Variants in PXDNL observed in about 807,000 individuals in gnomAD.
PXDNL encodes the protein peroxidasin like.
PXDNL carries 145 observed loss-of-function variants against 150.8 expected under a neutral mutation model. That is an observed-to-expected ratio of 0.96 (90% CI 0.84 to 1.10). The LOEUF (loss-of-function observed/expected upper bound fraction) is 1.10. PXDNL is among the 50% of genes least tolerant of loss of function. The pLI is 0.00. For missense variants in PXDNL, 2,087 were observed against 1,873.9 expected (o/e 1.11, Z -2.10); for synonymous variants, 757 against 725.7 (o/e 1.04, Z -0.69).
intron 2 of PXDNL, among the ~76,000 whole-genome samples, chr8:51,598,670 A>G (rs569749821): frequency 1.3e-5 from 2 of 151,984 alleles, no homozygotes; most frequent in African/African-American, 2.4e-5. Context: ...TTTTATATCT[A>G]TGTTCATCAG....
At chr8:51,440,755 GA>G (rs1467806200) in intron 12 of PXDNL, among the ~76,000 whole-genome samples, 3 of 152,240 alleles carry the variant, frequency 2.0e-5, no homozygotes, top group Admixed American at 6.5e-5. Context: ...GGAAGGGCCT[GA>G]AAACACAGCA....
At chr8:51,563,702 A>G (rs972169211) in intron 3 of PXDNL, among the ~76,000 whole-genome samples, 4 of 151,920 alleles carry the variant, frequency 2.6e-5, no homozygotes, top group Non-Finnish European at 5.9e-5. Context: ...TTTTTGCACT[A>G]CTCAATACAT....
At position 51,644,452 on chromosome 8, in the gene PXDNL, GTTGTTT is replaced by G. The variant is rs1210986479; in HGVS notation, c.236+10231_236+10236del. ...CATATGTGTGTGTATATATATATGGGTTGTTTTTGTTTTTGTTTTTGTTTTGAGACG... is the reference window on the plus strand; with the variant it reads ...CATATGTGTGTGTATATATATATGGGTTGTTTTTGTTTTTGTTTTGAGACG... On this transcript the variant is annotated intron_variant, in intron 2 of 22. Transcript: ENST00000356297. Among the ~76,000 whole-genome samples the G allele has an allele frequency of 1.5e-3, 155 of 100,524 alleles. 3 individuals are homozygous for G. Among genetic ancestry groups the G allele is most frequent in the African/African-American group, 4.9e-3 (135 of 27,634 alleles). 65.9% of individuals were successfully genotyped at this position (100,524 alleles called of 152,430 possible).
At chr8:51,579,221 A>G (rs1813154074) in intron 3 of PXDNL, among the ~76,000 whole-genome samples, 1 of 152,042 alleles carries the variant, frequency 6.6e-6, no homozygotes, top group African/African-American at 2.4e-5. Flanking sequence ...ATAAAGGACT[A>G]ATCTCCAGAA....
At chr8:51,400,553 TA>T (rs1466603846) in intron 17 of PXDNL, among the ~76,000 whole-genome samples, 1 of 152,206 alleles carries the variant, frequency 6.6e-6, no homozygotes, top group African/African-American at 2.4e-5. Context: ...GCTAGACAAA[TA>T]GAGCTGCACG....
At chr8:51,323,709 T>C (rs1805393326) in intron 21 of PXDNL, among the ~76,000 whole-genome samples, 1 of 151,826 alleles carries the variant, frequency 6.6e-6, no homozygotes, top group African/African-American at 2.4e-5. Context: ...AGGTCAGAAG[T>C]TCAAGACCAG....
intron 5 of PXDNL, among the ~76,000 whole-genome samples, chr8:51,489,084 G>A (rs942438408): frequency 5.9e-5 from 9 of 152,038 alleles, no homozygotes; most frequent in Non-Finnish European, 1.2e-4. Context: ...TCAAAATGAC[G>A]AAATAACAGA....
At chr8:51,727,149 CAAGTATTT>C (rs1435003569) in intron 1 of PXDNL, among the ~76,000 whole-genome samples, 2 of 152,174 alleles carry the variant, frequency 1.3e-5, no homozygotes, top group Non-Finnish European at 2.9e-5. Context: ...TGCTACAAAA[CAAGTATTT>C]ATAATAAGTG....
At chr8:51,597,649 A>AC (rs1286260178) in intron 2 of PXDNL, among the ~76,000 whole-genome samples, 19 of 140,588 alleles carry the variant, frequency 1.4e-4, no homozygotes, top group African/African-American at 4.2e-4. Context: ...ATCTCTAAGT[A>AC]TTTGTGTGTG....
intron 2 of PXDNL, among the ~76,000 whole-genome samples, chr8:51,611,491 C>A (rs1454832302): frequency 6.6e-6 from 1 of 152,082 alleles, no homozygotes; most frequent in Non-Finnish European, 1.5e-5. Context: ...GTGTAATTGA[C>A]TGTTTTCAAA....
At chr8:51,619,581 T>C (rs1814196464) in intron 2 of PXDNL, among the ~76,000 whole-genome samples, 1 of 151,808 alleles carries the variant, frequency 6.6e-6, no homozygotes, top group African/African-American at 2.4e-5. Context: ...TGAGAGCTCA[T>C]GAGATCCAGT....
intron 1 of PXDNL, among the ~76,000 whole-genome samples, chr8:51,719,703 T>G (rs1816690848): frequency 6.6e-6 from 1 of 152,142 alleles, no homozygotes; most frequent in African/African-American, 2.4e-5. Context: ...AACATGATTT[T>G]TTTAAAAAAA....
At chr8:51,542,566 T>A (rs183553485) in intron 4 of PXDNL, among the ~76,000 whole-genome samples, 2 of 151,474 alleles carry the variant, frequency 1.3e-5, no homozygotes, top group East Asian at 3.9e-4. Flanking sequence ...CTCAGCAATT[T>A]TGGAGGCCGA....
At chr8:51,540,983 G>T (rs866274336) in intron 4 of PXDNL, among the ~76,000 whole-genome samples, 1 of 151,852 alleles carries the variant, frequency 6.6e-6, no homozygotes, top group Admixed American at 6.6e-5. Flanking sequence ...CTTTCAGCTG[G>T]TTGCAGTGGC....
chr8:51,348,363 T>C (rs992195879), intron 19 of PXDNL, among the ~76,000 whole-genome samples: 2 of 152,316 alleles, frequency 1.3e-5, no homozygotes, highest in East Asian at 3.9e-4. Flanking sequence ...ACTGCAGGTA[T>C]ACACAGATGA....
chr8:51,538,665 G>A (rs149865112), intron 4 of PXDNL, among the ~76,000 whole-genome samples: 2,833 of 152,178 alleles, frequency 0.019, 82 homozygotes, highest in African/African-American at 0.062. Context: ...TACTCAGGAG[G>A]CTGAGGCAGG....
intron 4 of PXDNL, among the ~76,000 whole-genome samples, chr8:51,511,563 T>G (rs150055087): frequency 3.9e-5 from 6 of 152,082 alleles, no homozygotes; most frequent in African/African-American, 1.4e-4. Flanking sequence ...CCCAAGCTTA[T>G]GTACAGAGAT....
intron 4 of PXDNL, among the ~76,000 whole-genome samples, chr8:51,536,381 A>C (rs1278656666): frequency 7.2e-6 from 1 of 138,370 alleles, no homozygotes; most frequent in Non-Finnish European, 1.6e-5. Flanking sequence ...TGTATGCTTA[A>C]TTATATACAC....
At chr8:51,344,390 G>A (rs1303140433) in intron 20 of PXDNL, among the ~76,000 whole-genome samples, 1 of 151,994 alleles carries the variant, frequency 6.6e-6, no homozygotes, top group African/African-American at 2.4e-5. Context: ...GAATATTTGG[G>A]ACCAACTCAT....
Sources: gnomAD v4.1 joint callset for allele counts (sites outside exome capture counted in the v4.1 genomes callset) on GRCh38, gnomAD v4.1.1 for gene constraint, MANE v1.5 for transcripts, NCBI Gene and HGNC (gene_info 2026-07-23, HGNC 2026-07-21) for gene names.